Variants in CRIPT observed in about 807,000 individuals in gnomAD.
The protein encoded by CRIPT is cysteine-rich PDZ-binding protein.
CRIPT carries 20 observed loss-of-function variants against 16.6 expected under a neutral mutation model. The ratio of observed to expected loss-of-function variants is 1.20; its 90% confidence interval spans 0.85 to 1.75. CRIPT has a LOEUF of 1.75. CRIPT is among the 40% of genes most tolerant of loss of function. CRIPT has a pLI of 0.00. For synonymous variants in CRIPT, 42 were observed against 37.0 expected, an observed-to-expected ratio of 1.14 and a Z score of -0.49; for missense variants, 133 against 115.3, an observed-to-expected ratio of 1.15 and a Z score of -0.70.
intron 3 of CRIPT, among the ~76,000 whole-genome samples, chr2:46,621,131 G>C (rs1670793961): frequency 6.6e-6 from 1 of 152,196 alleles, no homozygotes; most frequent in Non-Finnish European, 1.5e-5. Flanking sequence ...TTGTCTCATA[G>C]TAACGAGAGT....
In CRIPT at chr2:46,629,946, T is replaced by C. The variant is rs7598578; in HGVS notation, c.*5719T>C. On this transcript the variant is annotated 3_prime_UTR_variant, in exon 5 of 5. Transcript: ENST00000238892. ...TCCAAAATTGTGATTGTTCTAACTC[T>C]ATTATTATTTCTGTATTAATTAGTC... Among the ~76,000 whole-genome samples the C allele has an allele frequency of 0.51, 77,838 of 152,002 alleles. 21,682 individuals carry two copies. The highest frequency in any genetic ancestry group is 0.74 in the African/African-American group (30,528 of 41,454).
chr2:46,619,882 G>C (rs1013635435), intron 3 of CRIPT, among the ~76,000 whole-genome samples: 1 of 152,112 alleles, frequency 6.6e-6, no homozygotes, highest in African/African-American at 2.4e-5. Context: ...GAAGATATTA[G>C]TGTTATTCTC....
At chr2:46,622,165 C>T (rs1013409394) in intron 3 of CRIPT, among the ~76,000 whole-genome samples, 19 of 150,974 alleles carry the variant, frequency 1.3e-4, no homozygotes, top group African/African-American at 2.9e-4. Context: ...GTCAGGAGAT[C>T]GAGACCATCC....
chr2:46,629,595 T>C lies in CRIPT; in HGVS notation c.*5368T>C, dbSNP rs928952422. Among the ~76,000 whole-genome samples, 1 of 152,172 alleles carries C rather than the reference T, an allele frequency of 6.6e-6. No individual in the cohort carries two copies. The highest frequency in any genetic ancestry group is 2.4e-5 in the African/African-American group (1 of 41,442). On this transcript the variant is annotated 3_prime_UTR_variant, in exon 5 of 5. Transcript: ENST00000238892. Reference sequence around the variant, plus strand: ...AGCTAAAGGATAGAGTATCCTTCTATTTGGGTTTTTCTGATGTTTCCTCAT... The same window carrying C: ...AGCTAAAGGATAGAGTATCCTTCTACTTGGGTTTTTCTGATGTTTCCTCAT...
At chr2:46,620,975 A>G (rs1419286908) in intron 3 of CRIPT, among the ~76,000 whole-genome samples, 1 of 151,818 alleles carries the variant, frequency 6.6e-6, no homozygotes, top group Non-Finnish European at 1.5e-5. Flanking sequence ...AGTTCTTTGG[A>G]TCTACCTCCA....
chr2:46,623,033 T>C (rs1434344210), intron 3 of CRIPT, among the ~76,000 whole-genome samples: 1 of 152,098 alleles, frequency 6.6e-6, no homozygotes, highest in Non-Finnish European at 1.5e-5. Flanking sequence ...TTCACTCCTG[T>C]CACTATAAGA....
chr2:46,625,637 A>G lies in CRIPT; in HGVS notation c.*1410A>G, dbSNP rs958829467. 1.3e-5 allele frequency: 2 copies of G among 152,148 alleles called. No individual in the cohort carries two copies. Among genetic ancestry groups the G allele is most frequent in the Admixed American group, 6.5e-5 (1 of 15,270 alleles). 9.4% of individuals were successfully genotyped at this position (152,148 alleles called of 1,614,324 possible). On this transcript the variant is annotated 3_prime_UTR_variant, in exon 5 of 5. Coordinates refer to ENST00000238892, the MANE Select transcript of CRIPT (RefSeq NM_014171.6). ...GAAAAGCATTTAAAGTTTTAACTTT[A>G]TAAGGCTTTTCAAAATGTGTTTTTC... is the stretch of plus-strand genomic sequence containing the variant.
chr2:46,624,037 A>T (rs920782670), intron 4 of CRIPT, 126 bp from the exon 5 acceptor site: 3 of 393,856 alleles, frequency 7.6e-6, no homozygotes, highest in Non-Finnish European at 1.2e-5. Context: ...ATATATATAT[A>T]TATATTTTTT....
Position 46,617,243 on chromosome 2 carries a change from G to C in CRIPT, c.-40G>C, listed in dbSNP as rs773862266. ...GTGTTGTTGTTTTCAGCCTGCTGCT[G>C]CTGCTGCTGTTGCGGCTAGGGGAAC... On this transcript the variant is annotated 5_prime_UTR_variant, in exon 1 of 5. Coordinates refer to ENST00000238892, the MANE Select transcript of CRIPT (RefSeq NM_014171.6). The C allele has an allele frequency of 4.5e-6, 7 of 1,552,990 alleles. No homozygotes were observed. In the African/African-American group the frequency reaches 6.8e-5, roughly 15 times the overall value.
At chr2:46,619,820 C>A in intron 3 of CRIPT, 139 bp downstream of exon 3, 1 of 591,078 alleles carries the variant, frequency 1.7e-6, no homozygotes, top group Non-Finnish European at 3.0e-6. Flanking sequence ...ACCAAGCTAT[C>A]TGTTATAATC....
At chr2:46,622,369 CAAA>C (rs1239573643) in intron 3 of CRIPT, among the ~76,000 whole-genome samples, 3 of 73,756 alleles carry the variant, frequency 4.1e-5, no homozygotes, top group Admixed American at 1.3e-4. Context: ...GACTCCGTCT[CAAA>C]AAAAAAAAAA....
At chr2:46,622,371 A>G (rs1471882525) in intron 3 of CRIPT, among the ~76,000 whole-genome samples, 3 of 138,712 alleles carry the variant, frequency 2.2e-5, no homozygotes, top group South Asian at 2.2e-4. Context: ...CTCCGTCTCA[A>G]AAAAAAAAAA....
Position 46,626,904 on chromosome 2 carries a change from C to T in CRIPT, c.*2677C>T, listed in dbSNP as rs1039406990. Among the ~76,000 whole-genome samples, 5 of 152,150 alleles carry T rather than the reference C, an allele frequency of 3.3e-5. No homozygotes were observed. The highest frequency in any genetic ancestry group is 5.9e-5 in the Non-Finnish European group (4 of 68,034). On this transcript the variant is annotated 3_prime_UTR_variant, in exon 5 of 5. Coordinates refer to ENST00000238892, the MANE Select transcript of CRIPT (RefSeq NM_014171.6). Reference sequence around the variant, plus strand: ...CTAGAGTGCAATGGCACCATCTCAGCTCACTGCAACCTCCACCTCCCGGGT... The same window carrying T: ...CTAGAGTGCAATGGCACCATCTCAGTTCACTGCAACCTCCACCTCCCGGGT...
At chr2:46,620,646 G>C (rs959034622) in intron 3 of CRIPT, among the ~76,000 whole-genome samples, 2 of 150,032 alleles carry the variant, frequency 1.3e-5, no homozygotes, top group African/African-American at 4.9e-5. Flanking sequence ...TGACCTTTTA[G>C]AGTGACTTCA....
In CRIPT at chr2:46,628,164, G is replaced by A. The variant is rs959066842; in HGVS notation, c.*3937G>A. ...TTGCTGTGTCTCCCAGGCTCTGAGT[G>A]CAGCTGTGCAATCTCAGCTCACTGC... On this transcript the variant is annotated 3_prime_UTR_variant, in exon 5 of 5. Coordinates refer to ENST00000238892, the MANE Select transcript of CRIPT (RefSeq NM_014171.6). Among the ~76,000 whole-genome samples the A allele has an allele frequency of 6.8e-6, 1 of 146,798 alleles. No homozygotes were observed. Among genetic ancestry groups the A allele is most frequent in the Non-Finnish European group, 1.5e-5 (1 of 67,280 alleles).
At chr2:46,622,408 A>G (rs1329990005) in intron 3 of CRIPT, among the ~76,000 whole-genome samples, 1 of 151,798 alleles carries the variant, frequency 6.6e-6, no homozygotes, top group African/African-American at 2.4e-5. Flanking sequence ...TACAATGTGT[A>G]TTTTTGAATA....
chr2:46,618,970 G>A, intron 2 of CRIPT, 132 bp downstream of exon 2: 1 of 549,114 alleles, frequency 1.8e-6, no homozygotes, highest in Non-Finnish European at 3.2e-6. Flanking sequence ...AAAGAATACT[G>A]GGTCCTCAAG....
intron 1 of CRIPT, 89 bp downstream of exon 1, chr2:46,617,387 C>T: frequency 7.0e-7 from 1 of 1,423,012 alleles, no homozygotes; most frequent in Non-Finnish European, 9.6e-7. Context: ...GTTGTTTTTT[C>T]TTCGCCCACA....
chr2:46,618,649 C>G (rs1005397154), intron 1 of CRIPT, 124 bp from the exon 2 acceptor site: 3 of 518,658 alleles, frequency 5.8e-6, no homozygotes, highest in Non-Finnish European at 1.0e-5. Context: ...GCTGCTCTCC[C>G]AGCATTAACA....
Sources: gnomAD v4.1 joint callset for allele counts (sites outside exome capture counted in the v4.1 genomes callset) on GRCh38, gnomAD v4.1.1 for gene constraint, MANE v1.5 for transcripts, NCBI Gene and HGNC (gene_info 2026-07-23, HGNC 2026-07-21) for gene names.